The following ASPHD1 variants were observed in gnomAD, a reference collection of about 807,000 sequenced individuals.
ASPHD1 encodes aspartate beta-hydroxylase domain containing 1.
ASPHD1 carries 20 observed loss-of-function variants against 28.3 expected under a neutral mutation model. The ratio of observed to expected loss-of-function variants is 0.71; its 90% CI spans 0.50 to 1.03. The LOEUF (loss-of-function observed/expected upper bound fraction) is 1.03, where lower values mean the gene tolerates loss of function less well. ASPHD1 is among the 50% of genes least tolerant of loss of function. The probability of loss-of-function intolerance (pLI) is 0.00; values close to 1 mark genes in which losing one functional copy is unlikely to be tolerated. For synonymous variants in ASPHD1, 240 were observed against 221.2 expected, an observed-to-expected ratio of 1.08 and a Z score of -0.75; for missense variants, 479 against 524.1, an observed-to-expected ratio of 0.91 and a Z score of 0.84.
intron 3 of ASPHD1, among the ~76,000 whole-genome samples, chr16:29,916,429 C>T (rs1314776091): frequency 6.6e-6 from 1 of 152,188 alleles, no homozygotes; most frequent in Non-Finnish European, 1.5e-5. Context: ...TAACAATCTC[C>T]TCAAAGTCCT....
chr16:29,910,789 A>T (rs1005938699), downstream of ASPHD1, among the ~76,000 whole-genome samples: 11 of 151,970 alleles, frequency 7.2e-5, no homozygotes, highest in Non-Finnish European at 1.6e-4. Flanking sequence ...CTAACCCGTG[A>T]CCCCCATTTC....
rs781273936 is a variant in ASPHD1, at chr16:29,905,795, C to T, written c.1071C>T (p.Pro357=). The change falls in exon 3 of 3, where the codon CCC becomes CCT. Residue 357 remains proline, a synonymous_variant. Transcript: ENST00000308748. The part of the protein sequence containing the change: ...FLHTVAHNGS[P]EDGPRVVFIV... Reference sequence around the variant, plus strand: ...CTGTCCCATGTGCCCTAGGCTCCCCCGAAGATGGGCCTCGAGTGGTCTTCA... The same window carrying T: ...CTGTCCCATGTGCCCTAGGCTCCCCTGAAGATGGGCCTCGAGTGGTCTTCA... The T allele has an allele frequency of 2.5e-6, 4 of 1,613,720 alleles. No individual in the cohort carries two copies. Among genetic ancestry groups the T allele is most frequent in the African/African-American group, 2.7e-5 (2 of 75,006 alleles).
chr16:29,903,533 T>C (rs2068573278), intron 1 of ASPHD1, among the ~76,000 whole-genome samples: 1 of 152,094 alleles, frequency 6.6e-6, no homozygotes, highest in Non-Finnish European at 1.5e-5. Context: ...TTTTCTGTTA[T>C]TCCATGCCAT....
chr16:29,906,261 C>T (rs915484575), downstream of ASPHD1: 2 of 193,206 alleles, frequency 1.0e-5, no homozygotes, highest in South Asian at 8.8e-5. Context: ...TGGGATTACA[C>T]GTGTGAGCCA....
rs544264134 is a variant in ASPHD1, at chr16:29,911,729, G to A, written c.*62+5770G>A. ...GCACAGATGTTCTTGTAGGCCCCCC[G>A]TGTGGCCGTGGCCCTCGCCTTGGGC... On this transcript the variant is annotated intron_variant and NMD_transcript_variant, in intron 3 of 3. Coordinates refer to the ASPHD1 transcript ENST00000414952. 642 of 1,435,382 alleles carry A rather than the reference G, an allele frequency of 4.5e-4. 1 individual carries two copies. The African/African-American group carries it at 7.4e-3, about 16-fold the overall frequency. The allele number at this position is 1,435,382 out of a possible 1,614,324, so 88.9% of individuals were successfully genotyped here.
intron 2 of ASPHD1, 28 bp from the exon 3 acceptor site, chr16:29,905,760 T>A: frequency 6.4e-7 from 1 of 1,559,656 alleles, no homozygotes; most frequent in Non-Finnish European, 8.8e-7. Context: ...TGTCAGTGGC[T>A]CTGCTGTTCC....
chr16:29,905,802 GGGCCTCGA>G lies in ASPHD1; in HGVS notation c.1080_1087del (p.Pro361GlyfsTer15). 1 of 1,613,814 alleles carries G rather than the reference GGGCCTCGA, an allele frequency of 6.2e-7. No homozygotes were observed. The highest frequency in any genetic ancestry group is 8.5e-7 in the Non-Finnish European group (1 of 1,179,828). On this transcript the variant is annotated frameshift_variant, in exon 3 of 3. Transcript: ENST00000308748. LOFTEE classifies it high-confidence loss of function. The stretch of plus-strand genomic sequence containing the variant: ...ATGTGCCCTAGGCTCCCCCGAAGAT[GGGCCTCGA>G]GTGGTCTTCATCGTGGACCTCTGGC...
In ASPHD1 at chr16:29,900,842, A is replaced by G. The variant is rs2150826613; in HGVS notation, c.-130A>G. 2 of 795,910 alleles carry G rather than the reference A, an allele frequency of 2.5e-6. No homozygotes were observed. Among genetic ancestry groups the G allele is most frequent in the Middle Eastern group, 3.7e-4 (1 of 2,736 alleles). The allele number at this position is 795,910 out of a possible 1,614,324, so 49.3% of individuals were successfully genotyped here. On this transcript the variant is annotated 5_prime_UTR_variant, in exon 1 of 3. Coordinates refer to ENST00000308748, the MANE Select transcript of ASPHD1 (RefSeq NM_181718.4). ...GGGGGAGATTGAGGTGGGAGAGAGA[A>G]GCAGAGCGAGAGAGAGGAGGCTGCT...
chr16:29,905,825 G>A lies in ASPHD1; in HGVS notation c.1101G>A (p.Val367=), dbSNP rs2068603228. The change falls in exon 3 of 3, where the codon GTG becomes GTA. Residue 367 remains valine (V), a synonymous_variant. Coordinates refer to ENST00000308748, the MANE Select transcript of ASPHD1 (RefSeq NM_181718.4). ...ATGGGCCTCGAGTGGTCTTCATCGT[G>A]GACCTCTGGCACCCCAACGTGGCAG... The part of the protein sequence containing the change: ...PEDGPRVVFI[V]DLWHPNVAGA... The A allele has an allele frequency of 6.2e-7, 1 of 1,613,736 alleles. No individual in the cohort carries two copies. Among genetic ancestry groups the A allele is most frequent in the Non-Finnish European group, 8.5e-7 (1 of 1,179,898 alleles).
chr16:29,905,158 G>T, intron 2 of ASPHD1, 193 bp downstream of exon 2: 1 of 517,600 alleles, frequency 1.9e-6, no homozygotes. Context: ...GTAACTGCAA[G>T]GATTAAATGA....
At chr16:29,918,387 G>A (rs2068846752) in intron 3 of ASPHD1, among the ~76,000 whole-genome samples, 1 of 152,138 alleles carries the variant, frequency 6.6e-6, no homozygotes, top group Admixed American at 6.6e-5. Flanking sequence ...TGCTTGATGT[G>A]GCCCAACGTG....
At chr16:29,902,443 A>T (rs1195634840) in intron 1 of ASPHD1, among the ~76,000 whole-genome samples, 2 of 152,208 alleles carry the variant, frequency 1.3e-5, no homozygotes, top group African/African-American at 4.8e-5. Context: ...GCTGAAATTT[A>T]AAAAAGAAAG....
chr16:29,904,481 G>A (rs924151651), intron 1 of ASPHD1, among the ~76,000 whole-genome samples: 1 of 151,578 alleles, frequency 6.6e-6, no homozygotes, highest in Non-Finnish European at 1.5e-5. Flanking sequence ...ACCCTGCATT[G>A]TAGCACATGC....
intron 1 of ASPHD1, among the ~76,000 whole-genome samples, chr16:29,903,131 G>A (rs950287653): frequency 4.8e-4 from 73 of 151,466 alleles, no homozygotes; most frequent in Admixed American, 3.3e-4. Context: ...TGAGGCAGGC[G>A]GATCACCTGA....
downstream of ASPHD1, among the ~76,000 whole-genome samples, chr16:29,907,742 T>C (rs2150832080): frequency 1.3e-5 from 2 of 152,124 alleles, 1 homozygote; most frequent in South Asian, 4.2e-4. Context: ...GAGCCAAGAT[T>C]GTACCACTGC....
chr16:29,917,909 T>C (rs956015665), intron 3 of ASPHD1, among the ~76,000 whole-genome samples: 4 of 152,146 alleles, frequency 2.6e-5, no homozygotes, highest in South Asian at 2.1e-4. Context: ...GATGACACCA[T>C]TGAACTCTAA....
intron 2 of ASPHD1, 81 bp from the exon 3 acceptor site, chr16:29,905,707 C>T: frequency 4.3e-6 from 3 of 692,302 alleles, no homozygotes; most frequent in Non-Finnish European, 7.3e-6. Context: ...TTACTGTTTG[C>T]TTTTATGGTG....
chr16:29,902,011 C>G (rs2068556670), intron 1 of ASPHD1, 91 bp downstream of exon 1: 4 of 1,047,678 alleles, frequency 3.8e-6, no homozygotes, highest in East Asian at 3.1e-5. Context: ...CTGTCTGGTT[C>G]TCATTGTGCC....
downstream of ASPHD1, among the ~76,000 whole-genome samples, chr16:29,910,680 A>G (rs1243841582): frequency 6.6e-6 from 1 of 152,104 alleles, no homozygotes; most frequent in Non-Finnish European, 1.5e-5. Context: ...TCTAATGGCA[A>G]CTATGGACCC....
Sources: gnomAD v4.1 joint callset for allele counts (sites outside exome capture counted in the v4.1 genomes callset) on GRCh38, gnomAD v4.1.1 for gene constraint, MANE v1.5 for transcripts, NCBI Gene and HGNC (gene_info 2026-07-23, HGNC 2026-07-21) for gene names.